BTBD9: variants seen among roughly 807,000 people sequenced by gnomAD.
BTBD9 encodes the protein BTB domain containing 9.
BTBD9 carries 49 observed loss-of-function variants against 64.3 expected under a neutral mutation model. The ratio of observed to expected loss-of-function variants is 0.76; its 90% CI spans 0.61 to 0.97. The LOEUF (loss-of-function observed/expected upper bound fraction) is 0.97, where lower values mean the gene tolerates loss of function less well. BTBD9 is among the 50% of genes least tolerant of loss of function. The pLI is 0.00. For synonymous variants in BTBD9, 260 were observed against 274.7 expected (o/e 0.95, Z 0.53); for missense variants, 598 against 762.1 (o/e 0.78, Z 2.53).
intron 8 of BTBD9, among the ~76,000 whole-genome samples, chr6:38,276,757 A>G (rs966425868): frequency 1.3e-5 from 2 of 152,194 alleles, no homozygotes; most frequent in African/African-American, 4.8e-5. Context: ...TTTGAAAGTA[A>G]GAGGTCTTTT....
At position 38,503,681 on chromosome 6, in the gene BTBD9, A is replaced by G. The variant is rs142396344; in HGVS notation, c.1154+73919T>C. 3.1e-3 allele frequency among the ~76,000 whole-genome samples: 471 copies of G among 152,010 alleles called. 10 individuals are homozygous for G. The highest frequency in any genetic ancestry group is 0.028 in the Admixed American group (423 of 15,264). ...ACCAACTTCACACTCATCCCACCAA[A>G]CTAAAAACTTACACTCCTGGCTCAC... is the stretch of plus-strand genomic sequence containing the variant. On this transcript the variant is annotated intron_variant, in intron 6 of 10. Coordinates refer to ENST00000481247, the MANE Select transcript of BTBD9 (RefSeq NM_001099272.2).
chr6:38,362,038 T>C (rs1342094550), intron 6 of BTBD9, among the ~76,000 whole-genome samples: 1 of 152,230 alleles, frequency 6.6e-6, no homozygotes, highest in Non-Finnish European at 1.5e-5. Flanking sequence ...TTCTATCATA[T>C]GCTCTATGTT....
chr6:38,470,338 T>G (rs1391967143), intron 6 of BTBD9, among the ~76,000 whole-genome samples: 1 of 152,226 alleles, frequency 6.6e-6, no homozygotes, highest in Non-Finnish European at 1.5e-5. Flanking sequence ...GTGTATGCAC[T>G]GGCCAAACTT....
rs777302225 is a variant in BTBD9, at chr6:38,552,911, A to C, written c.1154+24689T>G. Among the ~76,000 whole-genome samples, 39 of 152,278 alleles carry C rather than the reference A, an allele frequency of 2.6e-4. No individual in the cohort carries two copies. The South Asian group carries it at 8.1e-3, about 32-fold the overall frequency. On this transcript the variant is annotated intron_variant, in intron 6 of 10. Transcript: ENST00000481247. ...TTCCAGGACCCCCAAACCCCCACCA[A>C]GGATATCAAAATCTACAGATGCTCA...
intron 6 of BTBD9, among the ~76,000 whole-genome samples, chr6:38,562,419 T>C (rs1775302508): frequency 6.6e-6 from 1 of 152,210 alleles, no homozygotes; most frequent in Non-Finnish European, 1.5e-5. Flanking sequence ...TCTATTCTTT[T>C]TTTCTTCATT....
chr6:38,185,776 A>T (rs1761790029), intron 10 of BTBD9, among the ~76,000 whole-genome samples: 1 of 152,148 alleles, frequency 6.6e-6, no homozygotes, highest in South Asian at 2.1e-4. Flanking sequence ...TGTTGTAGTA[A>T]AGCTTTGCCT....
intron 6 of BTBD9, among the ~76,000 whole-genome samples, chr6:38,454,498 A>ATTTATCTT (rs1769705303): frequency 6.8e-6 from 1 of 148,042 alleles, no homozygotes; most frequent in Non-Finnish European, 1.5e-5. Flanking sequence ...TAATTATCTT[A>ATTTATCTT]AATATAATAT....
At chr6:38,230,407 A>C (rs1763555333) in intron 9 of BTBD9, among the ~76,000 whole-genome samples, 1 of 146,210 alleles carries the variant, frequency 6.8e-6, no homozygotes, top group Non-Finnish European at 1.5e-5. Flanking sequence ...AGGCAGGAGA[A>C]TTGCTTGAAC....
chr6:38,572,062 A>AC (rs1037419890), intron 6 of BTBD9, among the ~76,000 whole-genome samples: 19 of 150,900 alleles, frequency 1.3e-4, no homozygotes, highest in Non-Finnish European at 2.2e-4. Context: ...TAAAACACCT[A>AC]CCCCCCATCT....
At chr6:38,416,746 A>G (rs564928896) in intron 6 of BTBD9, among the ~76,000 whole-genome samples, 114 of 152,130 alleles carry the variant, frequency 7.5e-4, no homozygotes, top group African/African-American at 2.4e-3. Context: ...ATGGCTGAGG[A>G]GGCTCTGCAA....
At chr6:38,346,441 A>T (rs1396263948) in intron 6 of BTBD9, among the ~76,000 whole-genome samples, 1 of 152,024 alleles carries the variant, frequency 6.6e-6, no homozygotes, top group Non-Finnish European at 1.5e-5. Flanking sequence ...TATTAATGCT[A>T]TGTCCTGAAC....
chr6:38,371,068 G>A (rs1765405067), intron 6 of BTBD9, among the ~76,000 whole-genome samples: 1 of 152,158 alleles, frequency 6.6e-6, no homozygotes, highest in Non-Finnish European at 1.5e-5. Context: ...ACAGAACCAT[G>A]TTTATCATCC....
intron 6 of BTBD9, among the ~76,000 whole-genome samples, chr6:38,365,769 A>AC (rs1765160102): frequency 6.6e-6 from 1 of 151,994 alleles, no homozygotes; most frequent in Non-Finnish European, 1.5e-5. Flanking sequence ...AAAAAAAAAA[A>AC]AAAAAACATA....
intron 6 of BTBD9, among the ~76,000 whole-genome samples, chr6:38,413,325 G>C (rs999094505): frequency 6.6e-6 from 1 of 152,224 alleles, no homozygotes; most frequent in Non-Finnish European, 1.5e-5. Context: ...CAGTGAGGCA[G>C]CGGGGGCTGT....
chr6:38,524,340 T>C (rs1773393649), intron 6 of BTBD9, among the ~76,000 whole-genome samples: 1 of 152,082 alleles, frequency 6.6e-6, no homozygotes, highest in South Asian at 2.1e-4. Context: ...TTATGAAATG[T>C]AAGACATACT....
At chr6:38,567,738 G>C (rs1287282127) in intron 6 of BTBD9, among the ~76,000 whole-genome samples, 2 of 152,168 alleles carry the variant, frequency 1.3e-5, no homozygotes, top group South Asian at 2.1e-4. Context: ...ACAGCACCCT[G>C]ATCTAGGGAA....
intron 6 of BTBD9, among the ~76,000 whole-genome samples, chr6:38,413,638 T>G (rs1767537199): frequency 1.3e-5 from 2 of 151,604 alleles, no homozygotes; most frequent in South Asian, 2.1e-4. Flanking sequence ...GAATGTGATG[T>G]GACTGGTACA....
At chr6:38,420,128 G>A (rs1767839774) in intron 6 of BTBD9, among the ~76,000 whole-genome samples, 3 of 152,154 alleles carry the variant, frequency 2.0e-5, no homozygotes, top group Admixed American at 2.0e-4. Flanking sequence ...TATTCTGTAA[G>A]TGGAAGACTA....
intron 6 of BTBD9, among the ~76,000 whole-genome samples, chr6:38,422,428 A>C (rs1382282910): frequency 6.6e-6 from 1 of 152,084 alleles, no homozygotes; most frequent in Non-Finnish European, 1.5e-5. Flanking sequence ...TCCACTAAAA[A>C]CAGTTGGGGT....
Sources: allele counts gnomAD v4.1 joint callset (sites outside exome capture counted in the v4.1 genomes callset), GRCh38; gene constraint gnomAD v4.1.1; transcripts MANE v1.5; gene names NCBI Gene and HGNC (gene_info 2026-07-23, HGNC 2026-07-21).